DYNC2I1: variants seen among roughly 807,000 people sequenced by gnomAD.
The protein encoded by DYNC2I1 is dynein 2 intermediate chain 1.
Under a neutral mutation model 133.4 loss-of-function variants are expected in DYNC2I1, and 89 were observed. That is an observed-to-expected ratio of 0.67 (90% CI 0.56 to 0.80). The LOEUF is 0.80. DYNC2I1 is among the 30% of genes least tolerant of loss of function. DYNC2I1 has a pLI of 0.00. For synonymous variants in DYNC2I1, 504 were observed against 484.3 expected (o/e 1.04, Z -0.54); for missense variants, 1,291 against 1,314.5 (o/e 0.98, Z 0.28).
At chr7:158,870,277 T>C (rs552550123) in intron 2 of DYNC2I1, among the ~76,000 whole-genome samples, 2 of 152,220 alleles carry the variant, frequency 1.3e-5, no homozygotes. Context: ...GTTTGTGTCT[T>C]AGCGACTTTA....
intron 7 of DYNC2I1, among the ~76,000 whole-genome samples, chr7:158,890,699 A>G (rs1336453688): frequency 6.6e-6 from 1 of 151,716 alleles, no homozygotes. Context: ...TCAGCCTCCC[A>G]AGTAACTGGG....
chr7:158,929,954 T>C (rs1850053210), intron 20 of DYNC2I1, among the ~76,000 whole-genome samples: 1 of 152,108 alleles, frequency 6.6e-6, no homozygotes, highest in South Asian at 2.1e-4. Flanking sequence ...GAACAGAGAG[T>C]GAGGCCAGAC....
At chr7:158,900,706 C>A (rs1846153730) in intron 8 of DYNC2I1, among the ~76,000 whole-genome samples, 1 of 150,932 alleles carries the variant, frequency 6.6e-6, no homozygotes, top group Non-Finnish European at 1.5e-5. Context: ...TGCAGTTGTC[C>A]CACAGTTCTT....
At chr7:158,863,847 C>CGGGTGTTGGA (rs541331917) in intron 1 of DYNC2I1, among the ~76,000 whole-genome samples, 2 of 102,796 alleles carry the variant, frequency 1.9e-5, no homozygotes, top group Non-Finnish European at 1.9e-5. Context: ...TCCTTAGCTC[C>CGGGTGTTGGA]GGGTGTTGGA....
chr7:158,905,140 C>CTTTTTCTTTTT (rs1846642251), intron 10 of DYNC2I1: 6 of 338,196 alleles, frequency 1.8e-5, no homozygotes, highest in Non-Finnish European at 2.8e-5. Context: ...CTTTCTTTTT[C>CTTTTTCTTTTT]TTTTTTTTTT....
chr7:158,856,888 G>T (rs1457698997), intron 1 of DYNC2I1, 138 bp downstream of exon 1: 4 of 1,022,498 alleles, frequency 3.9e-6, no homozygotes, highest in African/African-American at 3.3e-5. Flanking sequence ...AGGAGCCGCG[G>T]TGCCTCCGAG....
At chr7:158,899,176 ACAATGTAAATG>A (rs1336939681) in intron 8 of DYNC2I1, among the ~76,000 whole-genome samples, 31 of 152,326 alleles carry the variant, frequency 2.0e-4, no homozygotes, top group South Asian at 1.7e-3. Flanking sequence ...AAAACCTAAT[ACAATGTAAATG>A]CTATGTAAAT....
chr7:158,885,350 T>TAAAA (rs1421591173), intron 6 of DYNC2I1, among the ~76,000 whole-genome samples: 1 of 151,888 alleles, frequency 6.6e-6, no homozygotes, highest in Non-Finnish European at 1.5e-5. Context: ...AAACTCTTTT[T>TAAAA]TTTTTTTTTG....
At chr7:158,895,949 A>G in intron 8 of DYNC2I1, among the ~76,000 whole-genome samples, 1 of 152,308 alleles carries the variant, frequency 6.6e-6, no homozygotes, top group South Asian at 2.1e-4. Context: ...TAGGAAAGCG[A>G]CTGACTTTTG....
chr7:158,902,724 G>T (rs759348977), intron 10 of DYNC2I1, 129 bp downstream of exon 10: 4 of 807,570 alleles, frequency 5.0e-6, no homozygotes, highest in Non-Finnish European at 5.9e-6. Flanking sequence ...CCACATGCTG[G>T]TGGTGCCATG....
At chr7:158,931,072 C>G (rs747090064) in intron 21 of DYNC2I1, among the ~76,000 whole-genome samples, 3 of 152,110 alleles carry the variant, frequency 2.0e-5, no homozygotes, top group Non-Finnish European at 4.4e-5. Context: ...ATTGGTCTTA[C>G]TTAACTATTC....
intron 23 of DYNC2I1, among the ~76,000 whole-genome samples, chr7:158,937,726 T>C (rs554880543): frequency 6.6e-6 from 1 of 150,708 alleles, no homozygotes; most frequent in Admixed American, 6.6e-5. Context: ...TTGAGCAACA[T>C]AGGGAGACCC....
intron 1 of DYNC2I1, among the ~76,000 whole-genome samples, chr7:158,860,094 C>A (rs529118425): frequency 6.7e-6 from 1 of 149,846 alleles, no homozygotes; most frequent in Non-Finnish European, 1.5e-5. Flanking sequence ...TCACTCTTGT[C>A]CCCTAGGCTG....
downstream of DYNC2I1, among the ~76,000 whole-genome samples, chr7:158,949,562 C>T (rs1851991236): frequency 6.6e-6 from 1 of 152,156 alleles, no homozygotes; most frequent in East Asian, 1.9e-4. Flanking sequence ...TGCCGTGGAA[C>T]GAATCATCGC....
At chr7:158,938,956 A>G (rs1432285220) in intron 23 of DYNC2I1, among the ~76,000 whole-genome samples, 1 of 152,228 alleles carries the variant, frequency 6.6e-6, no homozygotes, top group African/African-American at 2.4e-5. Flanking sequence ...AGACCTATTA[A>G]AAACAATAAT....
At chr7:158,955,342 C>T (rs796894540) in intron 4 of DYNC2I1, among the ~76,000 whole-genome samples, 5 of 152,224 alleles carry the variant, frequency 3.3e-5, no homozygotes, top group Admixed American at 6.5e-5. Context: ...TGCCGCACCT[C>T]TGCCATCCGC....
At chr7:158,918,653 A>G in intron 14 of DYNC2I1, 87 bp from the exon 15 acceptor site, 2 of 1,498,218 alleles carry the variant, frequency 1.3e-6, no homozygotes, top group South Asian at 1.2e-5. Flanking sequence ...ATTTGCAGAT[A>G]TGGATAAGAT....
At chr7:158,868,456 G>T (rs968014889) in intron 1 of DYNC2I1, among the ~76,000 whole-genome samples, 1 of 152,228 alleles carries the variant, frequency 6.6e-6, no homozygotes, top group Non-Finnish European at 1.5e-5. Context: ...ATTATCCAAC[G>T]AGGAACAAAC....
chr7:158,891,300 G>T lies in DYNC2I1; in HGVS notation c.1026G>T (p.Lys342Asn). ...GHEEGSSVWW[K>N]LDQRPGGEET... ...AGGAAGGCTCTTCTGTGTGGTGGAA[G>T]CTGGACCAGAGGCCGGGAGGCGAGG... is the stretch of plus-strand genomic sequence containing the variant. Residue 342 changes from lysine (K) to asparagine (N), a missense_variant, in exon 8 of 25, where the codon AAG becomes AAT. By Grantham distance (94) the Lys-to-Asn change is moderately conservative. Transcript: ENST00000407559. The T allele has an allele frequency of 6.2e-7, 1 of 1,614,062 alleles. No individual in the cohort carries two copies. Among genetic ancestry groups the T allele is most frequent in the Non-Finnish European group, 8.5e-7 (1 of 1,179,902 alleles).
Sources: allele counts gnomAD v4.1 joint callset (sites outside exome capture counted in the v4.1 genomes callset), GRCh38; gene constraint gnomAD v4.1.1; transcripts MANE v1.5; gene names NCBI Gene and HGNC (gene_info 2026-07-23, HGNC 2026-07-21).